SLC22A4: variants seen among roughly 807,000 people sequenced by gnomAD.
SLC22A4 encodes the protein ET transporter.
In SLC22A4, 39 loss-of-function variants were observed where a neutral mutation model predicts 56.6. That is an observed-to-expected ratio of 0.69 (90% CI 0.53 to 0.90). The LOEUF (loss-of-function observed/expected upper bound fraction) is 0.90, where lower values mean the gene tolerates loss of function less well. Ranked by LOEUF, SLC22A4 falls within the 40% of genes least tolerant of loss-of-function variation. The pLI, the probability that SLC22A4 is intolerant of heterozygous loss-of-function variation, is 0.00. For missense variants in SLC22A4, 594 were observed against 696.5 expected, an observed-to-expected ratio of 0.85 and a Z score of 1.66; for synonymous variants, 241 against 281.4, an observed-to-expected ratio of 0.86 and a Z score of 1.44.
chr5:132,324,784 C>A (rs1750643320), intron 4 of SLC22A4: 1 of 342,702 alleles, frequency 2.9e-6, no homozygotes, highest in African/African-American at 2.1e-5. Context: ...TGAATTCAAT[C>A]TACAGAGAGA....
At chr5:132,301,675 A>G (rs1749911275) in intron 1 of SLC22A4, among the ~76,000 whole-genome samples, 1 of 152,222 alleles carries the variant, frequency 6.6e-6, no homozygotes, top group African/African-American at 2.4e-5. Context: ...TGAGAGCAGC[A>G]AGCAAGGGAA....
intron 8 of SLC22A4, among the ~76,000 whole-genome samples, chr5:132,338,475 G>A (rs140415079): frequency 0.022 from 3,319 of 152,154 alleles, 124 homozygotes; most frequent in African/African-American, 0.077. Flanking sequence ...GCAGACAACC[G>A]GTCTGACCAA....
At chr5:132,308,639 T>G (rs945498675) in intron 1 of SLC22A4, among the ~76,000 whole-genome samples, 2 of 152,036 alleles carry the variant, frequency 1.3e-5, no homozygotes, top group African/African-American at 4.8e-5. Flanking sequence ...AAGAGTGACC[T>G]CCTATCCCCT....
intron 4 of SLC22A4, among the ~76,000 whole-genome samples, chr5:132,324,170 G>A (rs1750616253): frequency 6.6e-6 from 1 of 152,010 alleles, no homozygotes; most frequent in South Asian, 2.1e-4. Flanking sequence ...CTCCAGCCCA[G>A]ATAGAATGAG....
chr5:132,336,524 C>G (rs2126739813), intron 8 of SLC22A4, among the ~76,000 whole-genome samples: 1 of 151,914 alleles, frequency 6.6e-6, no homozygotes, highest in South Asian at 2.1e-4. Flanking sequence ...AACTCTGTCT[C>G]AAAAATAAAT....
chr5:132,318,799 C>A (rs546446256), intron 3 of SLC22A4, among the ~76,000 whole-genome samples: 30 of 152,216 alleles, frequency 2.0e-4, no homozygotes, highest in African/African-American at 6.7e-4. Flanking sequence ...CCCAGCCAGA[C>A]CAAGACCAAC....
intron 1 of SLC22A4, among the ~76,000 whole-genome samples, chr5:132,303,428 C>T (rs1749951522): frequency 6.6e-6 from 1 of 152,148 alleles, no homozygotes; most frequent in Non-Finnish European, 1.5e-5. Context: ...TTCAGCCCTC[C>T]CCTTCCCCTT....
rs1237403333 is a variant in SLC22A4, at chr5:132,295,330, C to A, written c.393+321C>A. Reference sequence around the variant, plus strand: ...TGGGGGAAGCGCAGCCCCAGGCTACCCAGACGCACTGCCTGAGTCACCTTC... The same window carrying A: ...TGGGGGAAGCGCAGCCCCAGGCTACACAGACGCACTGCCTGAGTCACCTTC... On this transcript the variant is annotated intron_variant, in intron 1 of 9. Transcript: ENST00000200652. The A allele has an allele frequency of 5.2e-6, 3 of 578,040 alleles. No homozygotes were observed. In the Admixed American group the frequency reaches 6.6e-5, roughly 13 times the overall value. The allele number at this position is 578,040 out of a possible 1,614,324, so 35.8% of individuals were successfully genotyped here.
chr5:132,324,270 C>T (rs1353801380), intron 4 of SLC22A4, among the ~76,000 whole-genome samples: 2 of 151,684 alleles, frequency 1.3e-5, no homozygotes, highest in Admixed American at 1.3e-4. Context: ...AATATAAAGC[C>T]TCTGATGGGC....
intron 1 of SLC22A4, among the ~76,000 whole-genome samples, chr5:132,310,633 C>A (rs991078759): frequency 1.3e-5 from 2 of 152,186 alleles, no homozygotes; most frequent in African/African-American, 2.4e-5. Flanking sequence ...CTGTGTTGGG[C>A]GTTGCCTGTG....
intron 1 of SLC22A4, among the ~76,000 whole-genome samples, chr5:132,297,656 A>G (rs1232604244): frequency 1.3e-5 from 2 of 152,082 alleles, no homozygotes; most frequent in African/African-American, 4.8e-5. Context: ...GTACCCTTAA[A>G]AATAGTTACT....
intron 3 of SLC22A4, among the ~76,000 whole-genome samples, chr5:132,320,495 C>CCCT (rs1750500060): frequency 6.6e-6 from 1 of 152,174 alleles, no homozygotes; most frequent in Non-Finnish European, 1.5e-5. Flanking sequence ...AGAAGTCAGG[C>CCCT]CCTATCCTTG....
intron 8 of SLC22A4, among the ~76,000 whole-genome samples, chr5:132,337,725 C>T (rs1003304122): frequency 1.3e-5 from 2 of 150,712 alleles, no homozygotes; most frequent in South Asian, 4.2e-4. Flanking sequence ...ACTGACTGCT[C>T]ATGTTCTTTG....
At chr5:132,307,588 G>C (rs1232326555) in intron 1 of SLC22A4, among the ~76,000 whole-genome samples, 3 of 152,148 alleles carry the variant, frequency 2.0e-5, no homozygotes, top group African/African-American at 7.2e-5. Flanking sequence ...GGTAGAAAGG[G>C]AACTACCATT....
At chr5:132,338,187 G>T (rs1039264905) in intron 8 of SLC22A4, among the ~76,000 whole-genome samples, 1 of 152,232 alleles carries the variant, frequency 6.6e-6, no homozygotes, top group African/African-American at 2.4e-5. Flanking sequence ...TTAAAGCTAG[G>T]TGTCCGGGGG....
chr5:132,333,129 T>G (rs1750915450), intron 6 of SLC22A4, among the ~76,000 whole-genome samples: 1 of 152,200 alleles, frequency 6.6e-6, no homozygotes, highest in African/African-American at 2.4e-5. Context: ...TCCACTAGTG[T>G]TCCTGAAGTC....
chr5:132,322,322 C>T lies in SLC22A4; in HGVS notation c.791C>T (p.Thr264Met), dbSNP rs139188733. 1.4e-5 allele frequency: 23 copies of T among 1,613,832 alleles called. No individual in the cohort carries two copies. In the Middle Eastern group the frequency reaches 5.1e-4, roughly 36 times the overall value. ...TGGCGGATGCTGCTGCTGGCGCTGA[C>T]GGTGCCGGGAGTGCTGTGTGTCCCG... Reference protein sequence around the residue: ...RDWRMLLLALTVPGVLCVPLW... With the variant: ...RDWRMLLLALMVPGVLCVPLW... The change falls in exon 4 of 10, where the codon ACG becomes ATG. Residue 264 changes from threonine to methionine, a missense_variant. Coordinates refer to ENST00000200652, the MANE Select transcript of SLC22A4 (RefSeq NM_003059.3).
chr5:132,297,633 G>C (rs185321487), intron 1 of SLC22A4, among the ~76,000 whole-genome samples: 88 of 151,824 alleles, frequency 5.8e-4, no homozygotes, highest in African/African-American at 2.0e-3. Flanking sequence ...AAATCATAAG[G>C]AGGTACCACT....
At position 132,313,681 on chromosome 5, in the gene SLC22A4, T is replaced by C. The variant is rs767803439; in HGVS notation, c.565T>C (p.Phe189Leu). The C allele has an allele frequency of 1.2e-6, 2 of 1,614,176 alleles. No homozygotes were observed. Among genetic ancestry groups the C allele is most frequent in the South Asian group, 2.2e-5 (2 of 91,080 alleles). ...VQTGFSFLQIFSISWEMFTVL... is the reference protein window; with the variant it reads ...VQTGFSFLQILSISWEMFTVL... ...GACTGGCTTCAGCTTCCTGCAGATT[T>C]TCTCCATCAGCTGGGAGATGTTCAC... The change falls in exon 3 of 10, where the codon TTC (phenylalanine) becomes CTC (leucine). Residue 189 changes from phenylalanine to leucine, a missense_variant. Transcript: ENST00000200652.
Sources: gnomAD v4.1 joint callset for allele counts (sites outside exome capture counted in the v4.1 genomes callset) on GRCh38, gnomAD v4.1.1 for gene constraint, MANE v1.5 for transcripts, NCBI Gene and HGNC (gene_info 2026-07-23, HGNC 2026-07-21) for gene names.